OPN3: variants seen among roughly 807,000 people sequenced by gnomAD.
The protein encoded by OPN3 is opsin 3.
Under a neutral mutation model 33.8 loss-of-function variants are expected in OPN3, and 29 were observed. The observed-to-expected ratio is 0.86, with a 90% CI of 0.64 to 1.17. The LOEUF (loss-of-function observed/expected upper bound fraction) is 1.17. OPN3 is among the 50% of genes most tolerant of loss of function. The pLI, the probability that OPN3 is intolerant of heterozygous loss-of-function variation, is 0.00. For synonymous variants in OPN3, 216 were observed against 216.1 expected (o/e 1.00, Z 0.00); for missense variants, 437 against 514.1 (o/e 0.85, Z 1.45).
At chr1:241,634,385 G>A (rs1055581232) in intron 1 of OPN3, 2 of 1,613,908 alleles carry the variant, frequency 1.2e-6, no homozygotes, top group Non-Finnish European at 1.7e-6. Context: ...AGACTGATCT[G>A]TAATGAGTAC....
intron 1 of OPN3, chr1:241,635,743 C>T (rs1237538299): frequency 1.2e-6 from 2 of 1,611,558 alleles, no homozygotes; most frequent in African/African-American, 1.3e-5. Flanking sequence ...CCACATCAAA[C>T]TCTGTGGGAA....
At chr1:241,606,142 G>C (rs1362296559) in intron 1 of OPN3, among the ~76,000 whole-genome samples, 3 of 152,140 alleles carry the variant, frequency 2.0e-5, no homozygotes, top group African/African-American at 4.8e-5. Context: ...ACATTAAAAG[G>C]CATGAACAAC....
chr1:241,635,641 G>A (rs1489402131), intron 1 of OPN3: 1 of 1,614,080 alleles, frequency 6.2e-7, no homozygotes, highest in South Asian at 1.1e-5. Context: ...TTCCTCCATA[G>A]TAGCTTCTTG....
Position 241,597,833 on chromosome 1 carries a change from G to A in OPN3, c.858C>T (p.Val286=). The change falls in exon 3 of 4, where the codon GTC becomes GTT. Residue 286 remains valine, a synonymous_variant. Transcript: ENST00000366554. ...FLVVNGHGHL[V]TPTISIVSYL... ...ACGAAACAATAGATATTGTTGGAGT[G>A]ACCAGGTGACCATGACCATTAACCA... The A allele has an allele frequency of 1.2e-6, 2 of 1,613,774 alleles. No homozygotes were observed. Among genetic ancestry groups the A allele is most frequent in the Non-Finnish European group, 1.7e-6 (2 of 1,179,926 alleles).
intron 1 of OPN3, among the ~76,000 whole-genome samples, chr1:241,617,817 C>G (rs1664174170): frequency 6.6e-6 from 1 of 152,060 alleles, no homozygotes; most frequent in African/African-American, 2.4e-5. Context: ...TGCTATATAG[C>G]CTGTGCAGTT....
At chr1:241,639,841 A>C in intron 1 of OPN3, 41 bp downstream of exon 1, 2 of 1,443,672 alleles carry the variant, frequency 1.4e-6, no homozygotes, top group South Asian at 1.4e-5. Context: ...GGGGAGTGGA[A>C]GTTTGCAGAG....
intron 1 of OPN3, among the ~76,000 whole-genome samples, chr1:241,639,624 C>T (rs1665033768): frequency 6.6e-6 from 1 of 151,022 alleles, no homozygotes; most frequent in African/African-American, 2.4e-5. Context: ...ACGTGGGGGG[C>T]AGATGAGAGA....
chr1:241,614,588 C>A (rs577082946), intron 1 of OPN3, among the ~76,000 whole-genome samples: 1 of 152,246 alleles, frequency 6.6e-6, no homozygotes, highest in Non-Finnish European at 1.5e-5. Flanking sequence ...GCTTGGAAAT[C>A]GTGCCAGGCT....
chr1:241,618,548 T>C (rs1664195078), intron 1 of OPN3, among the ~76,000 whole-genome samples: 1 of 152,224 alleles, frequency 6.6e-6, no homozygotes, highest in Admixed American at 6.5e-5. Flanking sequence ...CCACTCCAGA[T>C]GCCTCTGAAG....
At chr1:241,628,161 G>C (rs1664476723) in intron 1 of OPN3, among the ~76,000 whole-genome samples, 1 of 152,160 alleles carries the variant, frequency 6.6e-6, no homozygotes, top group African/African-American at 2.4e-5. Context: ...CCGTGCACAA[G>C]GCAGAGACTT....
intron 1 of OPN3, among the ~76,000 whole-genome samples, chr1:241,617,166 C>T (rs560893068): frequency 6.6e-6 from 1 of 152,248 alleles, no homozygotes; most frequent in South Asian, 2.1e-4. Context: ...GGCTGATATC[C>T]GTGACTAGCC....
chr1:241,608,564 T>G (rs899611108), intron 1 of OPN3, among the ~76,000 whole-genome samples: 1 of 152,190 alleles, frequency 6.6e-6, no homozygotes, highest in African/African-American at 2.4e-5. Context: ...GGGACGCAGC[T>G]GCTATTGGCA....
intron 1 of OPN3, among the ~76,000 whole-genome samples, chr1:241,616,734 T>A (rs1453378834): frequency 6.6e-6 from 1 of 152,120 alleles, no homozygotes; most frequent in African/African-American, 2.4e-5. Flanking sequence ...AACACTCAGG[T>A]GAAATGTTGC....
intron 1 of OPN3, among the ~76,000 whole-genome samples, chr1:241,605,062 A>AT (rs1309214550): frequency 1.7e-4 from 23 of 133,394 alleles, no homozygotes; most frequent in East Asian, 4.3e-4. Flanking sequence ...TCTCAAAAAA[A>AT]AAAAAAATAA....
intron 1 of OPN3, chr1:241,630,943 T>C (rs1054657391): frequency 2.6e-4 from 40 of 152,134 alleles, no homozygotes; most frequent in African/African-American, 8.4e-4. Flanking sequence ...TATTTTATTT[T>C]GCATTTTGCA....
intron 1 of OPN3, among the ~76,000 whole-genome samples, chr1:241,624,954 G>A (rs1558443936): frequency 1.3e-5 from 2 of 152,134 alleles, no homozygotes; most frequent in Non-Finnish European, 2.9e-5. Flanking sequence ...TACCCAACTA[G>A]GTTTTTATGA....
At chr1:241,608,301 C>A (rs983688092) in intron 1 of OPN3, among the ~76,000 whole-genome samples, 4 of 152,120 alleles carry the variant, frequency 2.6e-5, no homozygotes, top group African/African-American at 9.7e-5. Context: ...GTAAAATAAG[C>A]TGGTATGAGC....
intron 1 of OPN3, chr1:241,635,344 T>C: frequency 6.2e-7 from 1 of 1,614,078 alleles, no homozygotes; most frequent in Admixed American, 1.7e-5. Context: ...ACTGGCTTTC[T>C]TCAGGTAATG....
At position 241,615,729 on chromosome 1, in the gene OPN3, G is replaced by A. The variant is rs1164639124; in HGVS notation, c.374-11150C>T. 4.1e-5 allele frequency: 17 copies of A among 409,766 alleles called. No individual in the cohort carries two copies. The East Asian group carries it at 8.7e-4, about 21-fold the overall frequency. 25.4% of individuals were successfully genotyped at this position (409,766 alleles called of 1,614,324 possible). On this transcript the variant is annotated intron_variant, in intron 1 of 3. Transcript: ENST00000366554. ...TATTCGTGTGCCATCCCAGATCTCC[G>A]TGACTCCACTCACAAGCTCCTACTC...
Sources: gnomAD v4.1 joint callset for allele counts (sites outside exome capture counted in the v4.1 genomes callset) on GRCh38, gnomAD v4.1.1 for gene constraint, MANE v1.5 for transcripts, NCBI Gene and HGNC (gene_info 2026-07-23, HGNC 2026-07-21) for gene names.